The following ADAM32 variants were observed in gnomAD, a reference collection of about 807,000 sequenced individuals.
ADAM32 encodes the protein disintegrin and metalloproteinase domain-containing protein 32.
A neutral mutation model predicts 114.9 loss-of-function variants in ADAM32; 89 were observed. The ratio of observed to expected loss-of-function variants is 0.77; its 90% CI spans 0.65 to 0.92. The LOEUF (loss-of-function observed/expected upper bound fraction) is 0.92, where lower values mean the gene tolerates loss of function less well. Ranked by LOEUF, ADAM32 falls within the 40% of genes least tolerant of loss-of-function variation. ADAM32 has a pLI of 0.00. For missense variants in ADAM32, 870 were observed against 932.8 expected (o/e 0.93, Z 0.88); for synonymous variants, 285 against 307.5 (o/e 0.93, Z 0.77).
chr8:39,149,917 GC>G, intron 5 of ADAM32, 50 bp downstream of exon 5: 1 of 1,476,342 alleles, frequency 6.8e-7, no homozygotes, highest in Non-Finnish European at 9.3e-7. Context: ...ATATTTGGCT[GC>G]AGTGAATTTG....
At chr8:39,245,965 G>C in intron 16 of ADAM32, 118 bp from the exon 17 acceptor site, 1 of 794,684 alleles carries the variant, frequency 1.3e-6, no homozygotes, top group Non-Finnish European at 2.1e-6. Context: ...GCAGTACTTA[G>C]AGGAAAATTT....
At chr8:39,163,289 T>C (rs936965503) in intron 7 of ADAM32, among the ~76,000 whole-genome samples, 1 of 152,130 alleles carries the variant, frequency 6.6e-6, no homozygotes, top group East Asian at 1.9e-4. Context: ...AAAGACAGGC[T>C]GTTACTCAGT....
intron 17 of ADAM32, among the ~76,000 whole-genome samples, chr8:39,248,394 G>A (rs542846984): frequency 3.3e-5 from 5 of 151,834 alleles, no homozygotes; most frequent in African/African-American, 1.2e-4. Context: ...TCTTCATATT[G>A]ATCTTATATA....
intron 3 of ADAM32, among the ~76,000 whole-genome samples, chr8:39,143,078 A>G (rs1027813419): frequency 6.6e-6 from 1 of 152,092 alleles, no homozygotes; most frequent in Non-Finnish European, 1.5e-5. Context: ...GTTCTTCTCT[A>G]CACTGTTTAT....
chr8:39,164,050 T>A (rs1353858643), intron 7 of ADAM32, among the ~76,000 whole-genome samples: 1 of 152,164 alleles, frequency 6.6e-6, no homozygotes, highest in Non-Finnish European at 1.5e-5. Context: ...TGGTATTACA[T>A]AGGTAGCCTT....
At chr8:39,284,771 GT>G (rs781722849) in intron 24 of ADAM32, 21 bp from the exon 25 acceptor site, 1 of 1,613,264 alleles carries the variant, frequency 6.2e-7, no homozygotes, top group Non-Finnish European at 8.5e-7. Flanking sequence ...TTGAGCACGT[GT>G]TTTTTTGTTC....
At chr8:39,149,702 T>C in intron 4 of ADAM32, 89 bp from the exon 5 acceptor site, 1 of 929,238 alleles carries the variant, frequency 1.1e-6, no homozygotes, top group Non-Finnish European at 1.6e-6. Flanking sequence ...TGAAAAATAT[T>C]CAGAAGGTTC....
intron 3 of ADAM32, among the ~76,000 whole-genome samples, chr8:39,137,606 C>T (rs1802880247): frequency 6.6e-6 from 1 of 151,844 alleles, no homozygotes; most frequent in African/African-American, 2.4e-5. Flanking sequence ...CCTGTCTCTA[C>T]TAAAAAATAC....
At chr8:39,242,182 T>G (rs1185535012) in intron 16 of ADAM32, among the ~76,000 whole-genome samples, 1 of 152,224 alleles carries the variant, frequency 6.6e-6, no homozygotes, top group Non-Finnish European at 1.5e-5. Context: ...CTGGATTGTG[T>G]TGTTCATATC....
chr8:39,212,980 C>T (rs1808326996), intron 12 of ADAM32, among the ~76,000 whole-genome samples: 1 of 152,090 alleles, frequency 6.6e-6, no homozygotes, highest in Non-Finnish European at 1.5e-5. Context: ...TTCTTGATTA[C>T]TTTAATGATG....
At chr8:39,253,624 A>C (rs1360641887) in intron 17 of ADAM32, among the ~76,000 whole-genome samples, 2 of 151,702 alleles carry the variant, frequency 1.3e-5, no homozygotes, top group African/African-American at 4.8e-5. Flanking sequence ...ATACGTCAAA[A>C]ACAGACGGTC....
chr8:39,208,115 T>A (rs182214949), intron 11 of ADAM32, among the ~76,000 whole-genome samples: 1 of 152,268 alleles, frequency 6.6e-6, no homozygotes, highest in East Asian at 1.9e-4. Context: ...CATATAGTAG[T>A]CCTATTTTTA....
intron 18 of ADAM32, among the ~76,000 whole-genome samples, chr8:39,256,316 G>A (rs75665323): frequency 0.054 from 8,170 of 151,910 alleles, 756 homozygotes; most frequent in African/African-American, 0.19. Context: ...TGTGACCTCA[G>A]CTCTAAACAA....
intron 12 of ADAM32, among the ~76,000 whole-genome samples, chr8:39,212,009 T>A (rs901179979): frequency 2.0e-5 from 3 of 152,134 alleles, no homozygotes; most frequent in Non-Finnish European, 4.4e-5. Context: ...TTATTTTTTA[T>A]TTTATTTTAA....
At chr8:39,198,755 C>A (rs996800738) in intron 11 of ADAM32, among the ~76,000 whole-genome samples, 1 of 150,844 alleles carries the variant, frequency 6.6e-6, no homozygotes, top group African/African-American at 2.4e-5. Context: ...TTTTTCTCTT[C>A]TCCTTTTCTT....
intron 12 of ADAM32, among the ~76,000 whole-genome samples, chr8:39,213,233 A>G (rs1398727452): frequency 1.3e-5 from 2 of 152,092 alleles, no homozygotes; most frequent in Non-Finnish European, 2.9e-5. Flanking sequence ...TTTTGGGGGT[A>G]CATGTTATAT....
intron 11 of ADAM32, among the ~76,000 whole-genome samples, chr8:39,202,261 C>G (rs1807475166): frequency 6.6e-6 from 1 of 152,070 alleles, no homozygotes; most frequent in Non-Finnish European, 1.5e-5. Flanking sequence ...TGGTCCTGGA[C>G]TTTTTTTGGT....
At chr8:39,272,997 A>C (rs1250892182) in intron 20 of ADAM32, among the ~76,000 whole-genome samples, 1 of 151,872 alleles carries the variant, frequency 6.6e-6, no homozygotes, top group Non-Finnish European at 1.5e-5. Flanking sequence ...GCCTTGGTCT[A>C]TGCAGGGTCA....
intron 11 of ADAM32, among the ~76,000 whole-genome samples, chr8:39,195,188 A>T (rs1222849407): frequency 6.6e-6 from 1 of 152,104 alleles, no homozygotes; most frequent in Non-Finnish European, 1.5e-5. Flanking sequence ...GGAGCCCACC[A>T]GTCTTCCTAA....
Sources: allele counts gnomAD v4.1 joint callset (sites outside exome capture counted in the v4.1 genomes callset), GRCh38; gene constraint gnomAD v4.1.1; transcripts MANE v1.5; gene names NCBI Gene and HGNC (gene_info 2026-07-23, HGNC 2026-07-21).